Variants in SIPA1L1 observed in about 807,000 individuals in gnomAD.
The protein encoded by SIPA1L1 is signal-induced proliferation-associated 1-like protein 1.
SIPA1L1 carries 26 observed loss-of-function variants against 162.7 expected under a neutral mutation model. The observed-to-expected ratio is 0.16, with a 90% CI of 0.12 to 0.22. The LOEUF (loss-of-function observed/expected upper bound fraction) is 0.22. Ranked by LOEUF, SIPA1L1 falls within the 10% of genes least tolerant of loss-of-function variation. The pLI is 1.00. For missense variants in SIPA1L1, 1,874 were observed against 2,241.0 expected, an observed-to-expected ratio of 0.84 and a Z score of 3.31; for synonymous variants, 829 against 837.4, an observed-to-expected ratio of 0.99 and a Z score of 0.17.
intron 12 of SIPA1L1, among the ~76,000 whole-genome samples, chr14:71,676,149 G>T (rs958366494): frequency 6.7e-6 from 1 of 148,834 alleles, no homozygotes; most frequent in Non-Finnish European, 1.5e-5. Context: ...AAAAAATTAG[G>T]GGGGCGTGCT....
chr14:71,388,232 A>C (rs2040487242), intron 2 of SIPA1L1, among the ~76,000 whole-genome samples: 1 of 152,230 alleles, frequency 6.6e-6, no homozygotes, highest in African/African-American at 2.4e-5. Flanking sequence ...CAAGTTTGAA[A>C]AAGTAATGCA....
chr14:71,489,968 A>T (rs1395016266), intron 2 of SIPA1L1, among the ~76,000 whole-genome samples: 2 of 152,202 alleles, frequency 1.3e-5, no homozygotes, highest in African/African-American at 4.8e-5. Context: ...AGTTATCAAA[A>T]TATGGAGGGA....
chr14:71,681,705 C>T (rs1188486602), intron 12 of SIPA1L1, among the ~76,000 whole-genome samples: 1 of 152,154 alleles, frequency 6.6e-6, no homozygotes, highest in Non-Finnish European at 1.5e-5. Flanking sequence ...CCAAGCCATC[C>T]TCAAACATAA....
At chr14:71,481,400 G>A (rs1435236762) in intron 2 of SIPA1L1, among the ~76,000 whole-genome samples, 1 of 152,152 alleles carries the variant, frequency 6.6e-6, no homozygotes, top group Non-Finnish European at 1.5e-5. Context: ...GATGGCTTCA[G>A]CCTGGGAGGC....
At chr14:71,648,134 A>G (rs1366236006) in intron 7 of SIPA1L1, among the ~76,000 whole-genome samples, 3 of 152,152 alleles carry the variant, frequency 2.0e-5, no homozygotes, top group Non-Finnish European at 4.4e-5. Context: ...TACTAAAAAT[A>G]CAAAAATTAG....
At chr14:71,467,519 T>A (rs1049497834) in intron 2 of SIPA1L1, among the ~76,000 whole-genome samples, 8 of 152,192 alleles carry the variant, frequency 5.3e-5, no homozygotes, top group African/African-American at 1.9e-4. Flanking sequence ...CCTATTAAAA[T>A]CTTGGAGTAT....
chr14:71,515,263 G>A (rs192106125), intron 3 of SIPA1L1, among the ~76,000 whole-genome samples: 1 of 152,230 alleles, frequency 6.6e-6, no homozygotes, highest in Admixed American at 6.5e-5. Context: ...GAGAATTCGT[G>A]TAGCAAAATT....
At chr14:71,397,923 A>G (rs75635210) in intron 2 of SIPA1L1, among the ~76,000 whole-genome samples, 3,520 of 151,468 alleles carry the variant, frequency 0.023, 58 homozygotes, top group Middle Eastern at 0.054. Context: ...ATTGACCTTT[A>G]TAAGATGTGA....
intron 4 of SIPA1L1, among the ~76,000 whole-genome samples, chr14:71,539,592 A>C (rs2054201378): frequency 6.6e-6 from 1 of 152,388 alleles, no homozygotes; most frequent in Admixed American, 6.5e-5. Flanking sequence ...ATAACTGACC[A>C]GAGAGTCTGA....
chr14:71,373,155 C>T (rs764241387), intron 2 of SIPA1L1, among the ~76,000 whole-genome samples: 24 of 151,266 alleles, frequency 1.6e-4, no homozygotes, highest in Non-Finnish European at 2.9e-4. Context: ...ACTAAAAATA[C>T]AAAAAATTAG....
intron 2 of SIPA1L1, among the ~76,000 whole-genome samples, chr14:71,373,235 C>T (rs989780092): frequency 1.2e-4 from 18 of 149,772 alleles, no homozygotes; most frequent in Non-Finnish European, 1.6e-4. Context: ...CACTTGAACC[C>T]GGGAGGTGGA....
intron 9 of SIPA1L1, among the ~76,000 whole-genome samples, chr14:71,659,833 G>A (rs2043354844): frequency 6.6e-6 from 1 of 151,986 alleles, no homozygotes; most frequent in Non-Finnish European, 1.5e-5. Flanking sequence ...AGGCAAAAAT[G>A]TTACAGTCTT....
At chr14:71,665,236 A>G (rs1037607742) in intron 10 of SIPA1L1, among the ~76,000 whole-genome samples, 13 of 152,334 alleles carry the variant, frequency 8.5e-5, no homozygotes, top group African/African-American at 3.1e-4. Context: ...ACCCTGGGAT[A>G]TAACATGAGA....
intron 4 of SIPA1L1, among the ~76,000 whole-genome samples, chr14:71,549,298 G>A (rs1168524434): frequency 2.0e-5 from 3 of 151,940 alleles, no homozygotes; most frequent in Non-Finnish European, 4.4e-5. Context: ...TCATCATCTA[G>A]GGAAGAGACT....
At chr14:71,530,685 T>G (rs996936690) in intron 4 of SIPA1L1, among the ~76,000 whole-genome samples, 1 of 152,210 alleles carries the variant, frequency 6.6e-6, no homozygotes, top group Non-Finnish European at 1.5e-5. Flanking sequence ...CATTGAACAT[T>G]AAAAAACCCA....
chr14:71,704,951 T>C (rs1351214780), intron 15 of SIPA1L1: 2 of 637,640 alleles, frequency 3.1e-6, no homozygotes, highest in East Asian at 2.7e-5. Flanking sequence ...TTCTGAACTT[T>C]GCTGCGTTGT....
intron 2 of SIPA1L1, chr14:71,330,793 C>T (rs1173650409): frequency 2.8e-6 from 2 of 710,062 alleles, no homozygotes; most frequent in Non-Finnish European, 5.2e-6. Flanking sequence ...CCCTGACGAC[C>T]TCAGGCTTCA....
intron 7 of SIPA1L1, among the ~76,000 whole-genome samples, chr14:71,642,564 C>G (rs1208846081): frequency 6.6e-6 from 1 of 152,176 alleles, no homozygotes. Flanking sequence ...AAGGCTCAAA[C>G]TCTTGCCAAG....
chr14:71,513,666 AT>A (rs1020428839), intron 3 of SIPA1L1, among the ~76,000 whole-genome samples: 18 of 151,792 alleles, frequency 1.2e-4, no homozygotes, highest in Non-Finnish European at 2.4e-4. Flanking sequence ...TAATTTTTAA[AT>A]TTTTCTATAG....
Sources: gnomAD v4.1 joint callset for allele counts (sites outside exome capture counted in the v4.1 genomes callset) on GRCh38, gnomAD v4.1.1 for gene constraint, MANE v1.5 for transcripts, NCBI Gene and HGNC (gene_info 2026-07-23, HGNC 2026-07-21) for gene names.